KLF12: variants seen among roughly 807,000 people sequenced by gnomAD.
The protein encoded by KLF12 is KLF transcription factor 12.
In KLF12, 9 loss-of-function variants were observed where a neutral mutation model predicts 37.8. That is an observed-to-expected ratio of 0.24 (90% CI 0.14 to 0.42). The LOEUF is 0.42. Among genes scored for constraint, KLF12 ranks in the 10% least tolerant of loss-of-function variants. KLF12 has a pLI of 1.00. For missense variants in KLF12, 411 were observed against 516.0 expected, an observed-to-expected ratio of 0.80 and a Z score of 1.97; for synonymous variants, 208 against 202.1, an observed-to-expected ratio of 1.03 and a Z score of -0.25.
At chr13:73,874,968 T>A (rs931600661) in intron 3 of KLF12, among the ~76,000 whole-genome samples, 15 of 152,178 alleles carry the variant, frequency 9.9e-5, no homozygotes, top group Non-Finnish European at 2.1e-4. Context: ...GTATTTTAAT[T>A]ATGAGATATA....
upstream of KLF12, among the ~76,000 whole-genome samples, chr13:74,135,704 C>CCCCGG (rs1312633411): frequency 2.0e-5 from 3 of 152,030 alleles, no homozygotes; most frequent in East Asian, 3.9e-4. Context: ...TGCCCCGCGC[C>CCCCGG]CCCGGCCCGG....
chr13:74,117,846 T>G (rs565565808), intron 1 of KLF12, among the ~76,000 whole-genome samples: 1 of 152,302 alleles, frequency 6.6e-6, no homozygotes, highest in South Asian at 2.1e-4. Flanking sequence ...CTTAAAATTC[T>G]TAAGGTCATG....
chr13:74,228,921 G>C, the KLF12 span, among the ~76,000 whole-genome samples: 5 of 151,192 alleles, frequency 3.3e-5, no homozygotes, highest in South Asian at 2.1e-4. Context: ...AAACACTGCT[G>C]CTCCAAGCTT....
intron 3 of KLF12, among the ~76,000 whole-genome samples, chr13:73,859,090 G>A (rs1411573497): frequency 3.3e-5 from 5 of 152,180 alleles, no homozygotes; most frequent in African/African-American, 4.8e-5. Flanking sequence ...GCTGGAGTAT[G>A]GGAGGAGCCT....
intron 1 of KLF12, among the ~76,000 whole-genome samples, chr13:74,017,071 T>A (rs1892704881): frequency 6.6e-6 from 1 of 152,082 alleles, no homozygotes; most frequent in African/African-American, 2.4e-5. Flanking sequence ...GACAGCACAG[T>A]AGTTGACACT....
the KLF12 span, among the ~76,000 whole-genome samples, chr13:74,194,246 A>T: frequency 6.6e-6 from 1 of 152,212 alleles, no homozygotes. Context: ...GAGTTCTGGA[A>T]CCAGAATATA....
chr13:74,022,748 C>A (rs73529165), intron 1 of KLF12, among the ~76,000 whole-genome samples: 3,411 of 152,048 alleles, frequency 0.022, 131 homozygotes, highest in African/African-American at 0.075. Flanking sequence ...TCCAACCCCC[C>A]CAACATATAA....
intron 6 of KLF12, among the ~76,000 whole-genome samples, chr13:73,738,126 C>CATAT (rs1566331407): frequency 3.5e-5 from 2 of 56,416 alleles, no homozygotes; most frequent in African/African-American, 1.8e-4. Context: ...TATATATATA[C>CATAT]ACACACACAC....
At chr13:73,992,281 C>T (rs1409080233) in intron 2 of KLF12, among the ~76,000 whole-genome samples, 10 of 152,152 alleles carry the variant, frequency 6.6e-5, no homozygotes, top group Non-Finnish European at 1.0e-4. Context: ...TGTGTATCCA[C>T]CAGATTTTAT....
the KLF12 span, among the ~76,000 whole-genome samples, chr13:74,201,319 C>G: frequency 6.6e-6 from 1 of 152,176 alleles, no homozygotes. Flanking sequence ...GTCACATCCT[C>G]TTGTTGTAAT....
chr13:73,805,979 A>AT, intron 5 of KLF12, among the ~76,000 whole-genome samples: 1 of 151,958 alleles, frequency 6.6e-6, no homozygotes, highest in South Asian at 2.1e-4. Context: ...TAATTTTCAT[A>AT]TTTTTGTAGA....
intron 5 of KLF12, among the ~76,000 whole-genome samples, chr13:73,805,034 A>G (rs1882483514): frequency 6.6e-6 from 1 of 152,228 alleles, no homozygotes; most frequent in African/African-American, 2.4e-5. Flanking sequence ...GTCAGCAGAG[A>G]AGAGACATGG....
chr13:73,968,029 T>C (rs1211889870), intron 2 of KLF12, among the ~76,000 whole-genome samples: 2 of 152,174 alleles, frequency 1.3e-5, no homozygotes, highest in Non-Finnish European at 2.9e-5. Context: ...TTCTGCCCTA[T>C]GGTGAAACAG....
intron 3 of KLF12, among the ~76,000 whole-genome samples, chr13:73,896,989 A>C (rs2139057467): frequency 6.6e-6 from 1 of 152,264 alleles, no homozygotes; most frequent in South Asian, 2.1e-4. Flanking sequence ...TGGTTTCAAG[A>C]GGCAACAGGC....
At chr13:74,209,461 TA>T in the KLF12 span, among the ~76,000 whole-genome samples, 1 of 151,742 alleles carries the variant, frequency 6.6e-6, no homozygotes, top group Non-Finnish European at 1.5e-5. Context: ...AAATGTTCAA[TA>T]AATTTCCTAA....
At chr13:74,199,848 C>T in the KLF12 span, among the ~76,000 whole-genome samples, 2 of 152,014 alleles carry the variant, frequency 1.3e-5, no homozygotes, top group Admixed American at 6.6e-5. Flanking sequence ...GGTGATCTGT[C>T]CCTGAACTCT....
At chr13:74,014,751 G>A (rs1359410288) in intron 1 of KLF12, among the ~76,000 whole-genome samples, 1 of 152,108 alleles carries the variant, frequency 6.6e-6, no homozygotes, top group Non-Finnish European at 1.5e-5. Context: ...TACTTTCCAA[G>A]GTCTCCGTCT....
At chr13:74,188,126 G>GA in the KLF12 span, among the ~76,000 whole-genome samples, 3 of 151,756 alleles carry the variant, frequency 2.0e-5, no homozygotes, top group Non-Finnish European at 4.4e-5. Context: ...AAAAATAAAA[G>GA]AAAAAAAAGT....
At chr13:74,214,864 A>G in the KLF12 span, among the ~76,000 whole-genome samples, 38,593 of 151,888 alleles carry the variant, frequency 0.25, 7,244 homozygotes, top group African/African-American at 0.53. Flanking sequence ...GCAGGATCTC[A>G]TCTCACTGCA....
Sources: gnomAD v4.1 joint callset for allele counts (sites outside exome capture counted in the v4.1 genomes callset) on GRCh38, gnomAD v4.1.1 for gene constraint, MANE v1.5 for transcripts, NCBI Gene and HGNC (gene_info 2026-07-23, HGNC 2026-07-21) for gene names.